The following AGBL4 variants were observed in gnomAD, a reference collection of about 807,000 sequenced individuals.
AGBL4 encodes cytosolic carboxypeptidase 6.
A neutral mutation model predicts 66.4 loss-of-function variants in AGBL4; 58 were observed. That is an observed-to-expected ratio of 0.87 (90% confidence interval 0.71 to 1.09). AGBL4 has a LOEUF of 1.09. AGBL4 is among the 50% of genes least tolerant of loss of function. The probability of loss-of-function intolerance (pLI) is 0.00; values close to 1 mark genes in which losing one functional copy is unlikely to be tolerated. For missense variants in AGBL4, 579 were observed against 631.0 expected, an observed-to-expected ratio of 0.92 and a Z score of 0.88; for synonymous variants, 234 against 222.9, an observed-to-expected ratio of 1.05 and a Z score of -0.44.
At chr1:49,664,989 G>A (rs1047201973) in intron 3 of AGBL4, among the ~76,000 whole-genome samples, 1 of 152,100 alleles carries the variant, frequency 6.6e-6, no homozygotes, top group Non-Finnish European at 1.5e-5. Flanking sequence ...GTGTAATGCA[G>A]AAGTGATTTG....
At chr1:49,274,620 T>C (rs1006774261) in intron 3 of AGBL4, among the ~76,000 whole-genome samples, 7 of 152,132 alleles carry the variant, frequency 4.6e-5, no homozygotes, top group Non-Finnish European at 1.0e-4. Flanking sequence ...TGTAATCAGA[T>C]ACAGTACAAA....
chr1:48,755,483 T>C (rs1262645926), intron 6 of AGBL4, among the ~76,000 whole-genome samples: 2 of 152,132 alleles, frequency 1.3e-5, no homozygotes, highest in African/African-American at 2.4e-5. Context: ...TACTCAAGGA[T>C]ATGCCTCCAG....
intron 3 of AGBL4, among the ~76,000 whole-genome samples, chr1:49,611,656 C>T (rs1645157643): frequency 6.6e-6 from 1 of 152,078 alleles, no homozygotes; most frequent in Non-Finnish European, 1.5e-5. Flanking sequence ...GGATTACAGG[C>T]GTGAGCCACC....
intron 3 of AGBL4, among the ~76,000 whole-genome samples, chr1:49,510,427 GTTGT>G (rs1649113706): frequency 6.7e-6 from 1 of 150,362 alleles, no homozygotes; most frequent in South Asian, 2.1e-4. Flanking sequence ...TTTTGATGGG[GTTGT>G]TTGTTTTTTT....
intron 3 of AGBL4, among the ~76,000 whole-genome samples, chr1:49,582,411 C>T (rs930331580): frequency 2.6e-5 from 4 of 152,184 alleles, no homozygotes; most frequent in Non-Finnish European, 4.4e-5. Flanking sequence ...CAGTCCCAGC[C>T]AACCTTATAC....
intron 2 of AGBL4, among the ~76,000 whole-genome samples, chr1:49,728,696 C>G (rs376379036): frequency 2.0e-5 from 3 of 152,050 alleles, no homozygotes; most frequent in East Asian, 1.9e-4. Context: ...AGAAAAGGAG[C>G]CTAGCAATAG....
intron 6 of AGBL4, among the ~76,000 whole-genome samples, chr1:48,685,211 T>G (rs1188442178): frequency 6.6e-6 from 1 of 152,258 alleles, no homozygotes; most frequent in South Asian, 2.1e-4. Flanking sequence ...CCTTGACTTC[T>G]ATATAAAATC....
At chr1:48,686,400 T>A (rs186236408) in intron 6 of AGBL4, among the ~76,000 whole-genome samples, 1 of 152,220 alleles carries the variant, frequency 6.6e-6, no homozygotes, top group South Asian at 2.1e-4. Context: ...GCCTGGCACA[T>A]AGCAGCAGGT....
At chr1:49,008,186 A>C (rs1173714918) in intron 5 of AGBL4, among the ~76,000 whole-genome samples, 1 of 151,842 alleles carries the variant, frequency 6.6e-6, no homozygotes, top group African/African-American at 2.4e-5. Flanking sequence ...AGGAAGATCT[A>C]CTAAGCAAAT....
At chr1:49,897,089 T>A (rs1338282273) in intron 1 of AGBL4, among the ~76,000 whole-genome samples, 1 of 152,076 alleles carries the variant, frequency 6.6e-6, no homozygotes, top group East Asian at 1.9e-4. Flanking sequence ...TTATTCAACA[T>A]AGTACTGGAA....
At chr1:49,659,072 A>C (rs777347147) in intron 3 of AGBL4, among the ~76,000 whole-genome samples, 14 of 152,162 alleles carry the variant, frequency 9.2e-5, no homozygotes, top group Admixed American at 5.2e-4. Flanking sequence ...CTAGCTTCAT[A>C]AACAAAGGAG....
At chr1:48,966,064 T>C (rs1658389785) in intron 5 of AGBL4, among the ~76,000 whole-genome samples, 1 of 152,130 alleles carries the variant, frequency 6.6e-6, no homozygotes, top group Non-Finnish European at 1.5e-5. Flanking sequence ...TTTTCTTCCC[T>C]GTAAAATGAG....
intron 3 of AGBL4, among the ~76,000 whole-genome samples, chr1:49,396,477 A>G (rs915551324): frequency 6.6e-6 from 1 of 152,168 alleles, no homozygotes; most frequent in Non-Finnish European, 1.5e-5. Context: ...TAATCGAGCT[A>G]AAAAAGATTC....
At chr1:49,468,392 A>T (rs1416044699) in intron 3 of AGBL4, among the ~76,000 whole-genome samples, 4 of 151,856 alleles carry the variant, frequency 2.6e-5, no homozygotes, top group African/African-American at 9.7e-5. Flanking sequence ...ATAATCCTGA[A>T]GGATACAATC....
intron 5 of AGBL4, among the ~76,000 whole-genome samples, chr1:49,029,618 C>T (rs1664044401): frequency 6.6e-6 from 1 of 152,112 alleles, no homozygotes; most frequent in African/African-American, 2.4e-5. Flanking sequence ...CACTAATTTA[C>T]AGGTTCAGTG....
At chr1:48,572,496 G>A (rs1031875142) in intron 11 of AGBL4, among the ~76,000 whole-genome samples, 1 of 151,922 alleles carries the variant, frequency 6.6e-6, no homozygotes, top group African/African-American at 2.4e-5. Flanking sequence ...GAGAAGGTAA[G>A]AGAGGGTGTA....
At chr1:48,783,104 T>C (rs1284271573) in intron 6 of AGBL4, among the ~76,000 whole-genome samples, 1 of 152,242 alleles carries the variant, frequency 6.6e-6, no homozygotes, top group African/African-American at 2.4e-5. Context: ...TTTTACATTT[T>C]TTAAATTTTC....
intron 3 of AGBL4, among the ~76,000 whole-genome samples, chr1:49,419,529 T>A (rs1380300457): frequency 6.6e-6 from 1 of 152,216 alleles, no homozygotes; most frequent in Non-Finnish European, 1.5e-5. Flanking sequence ...GGATCCCTGC[T>A]GATATCTTCT....
At chr1:49,678,312 A>G (rs986363456) in intron 3 of AGBL4, among the ~76,000 whole-genome samples, 19 of 152,122 alleles carry the variant, frequency 1.2e-4, no homozygotes, top group South Asian at 4.1e-4. Flanking sequence ...GGTATCTCCT[A>G]TTTCATTCCT....
Sources: gnomAD v4.1 joint callset for allele counts (sites outside exome capture counted in the v4.1 genomes callset) on GRCh38, gnomAD v4.1.1 for gene constraint, MANE v1.5 for transcripts, NCBI Gene and HGNC (gene_info 2026-07-23, HGNC 2026-07-21) for gene names.